LZTFL1: variants seen among roughly 807,000 people sequenced by gnomAD.
LZTFL1 encodes leucine zipper transcription factor like 1.
A neutral mutation model predicts 45.9 loss-of-function variants in LZTFL1; 25 were observed. The ratio of observed to expected loss-of-function variants is 0.54; its 90% confidence interval spans 0.40 to 0.76. The LOEUF is 0.76. LZTFL1 is among the 30% of genes least tolerant of loss of function. The pLI, the probability that LZTFL1 is intolerant of heterozygous loss-of-function variation, is 0.00. For missense variants in LZTFL1, 277 were observed against 331.1 expected (o/e 0.84, Z 1.27); for synonymous variants, 93 against 117.4 (o/e 0.79, Z 1.35).
At chr3:45,826,997 T>G (rs1700685099) in intron 9 of LZTFL1, 1 of 198,732 alleles carries the variant, frequency 5.0e-6, no homozygotes. Flanking sequence ...AGGGGAACAG[T>G]AAGACCAGTT....
chr3:45,906,334 C>A (rs1702678137), intron 2 of LZTFL1, among the ~76,000 whole-genome samples: 1 of 152,180 alleles, frequency 6.6e-6, no homozygotes, highest in African/African-American at 2.4e-5. Context: ...ATTTTGAGCA[C>A]CATTGCTAAC....
intron 2 of LZTFL1, among the ~76,000 whole-genome samples, chr3:45,886,152 ACAT>A (rs1382398715): frequency 6.6e-6 from 1 of 152,194 alleles, no homozygotes; most frequent in African/African-American, 2.4e-5. Flanking sequence ...GGATAGTGCT[ACAT>A]CTGCCACTGG....
rs1399250134 is a variant in LZTFL1, at chr3:45,900,862, T to C, written c.-215+12258A>G. Reference sequence around the variant, plus strand: ...TATGGCTCTGAATCCACATCTTCCATGGAAGACTACGTTAACTTCAACTTC... The same window carrying C: ...TATGGCTCTGAATCCACATCTTCCACGGAAGACTACGTTAACTTCAACTTC... On this transcript the variant is annotated intron_variant, in intron 2 of 4. Transcript: ENST00000472635. The surrounding 1 kb of genome is among the most constrained non-coding windows in gnomAD (Gnocchi z 4.7). The C allele has an allele frequency of 7.4e-6, 12 of 1,614,038 alleles. No individual in the cohort carries two copies. Among genetic ancestry groups the C allele is most frequent in the African/African-American group, 1.3e-5 (1 of 74,928 alleles).
At chr3:45,905,135 A>T (rs1459634388) in intron 2 of LZTFL1, among the ~76,000 whole-genome samples, 1 of 152,148 alleles carries the variant, frequency 6.6e-6, no homozygotes, top group Non-Finnish European at 1.5e-5. Context: ...TCTCCATTCA[A>T]CGAGTAGTCA....
chr3:45,862,651 CT>C (rs1465626416), intron 2 of LZTFL1, among the ~76,000 whole-genome samples: 1 of 152,164 alleles, frequency 6.6e-6, no homozygotes, highest in Non-Finnish European at 1.5e-5. Flanking sequence ...ATCTTACTTG[CT>C]GTAAGTAAGA....
chr3:45,885,247 G>C (rs1701948666), intron 2 of LZTFL1, among the ~76,000 whole-genome samples: 1 of 152,186 alleles, frequency 6.6e-6, no homozygotes, highest in South Asian at 2.1e-4. Context: ...ACATCCACAA[G>C]AGTGTAGTCA....
chr3:45,846,320 A>G (rs916005884), upstream of LZTFL1, among the ~76,000 whole-genome samples: 4 of 152,298 alleles, frequency 2.6e-5, no homozygotes, highest in Admixed American at 2.6e-4. Flanking sequence ...CTACTGTTTG[A>G]GTTCTACTTT....
chr3:45,890,348 A>ATT (rs1184589760), intron 2 of LZTFL1, among the ~76,000 whole-genome samples: 4 of 5,374 alleles, frequency 7.4e-4, no homozygotes, highest in Non-Finnish European at 1.1e-3. Flanking sequence ...ATATATATAT[A>ATT]ACATATATAT....
chr3:45,896,338 C>A, intron 2 of LZTFL1, among the ~76,000 whole-genome samples: 1 of 152,182 alleles, frequency 6.6e-6, no homozygotes, highest in East Asian at 1.9e-4. Context: ...TCAGTAATGA[C>A]CTGCTCTTGT....
intron 2 of LZTFL1, among the ~76,000 whole-genome samples, chr3:45,837,326 T>C (rs1213991463): frequency 1.3e-5 from 2 of 152,216 alleles, no homozygotes; most frequent in African/African-American, 4.8e-5. Context: ...GGTCTAAGGC[T>C]GATGGCCTCT....
chr3:45,860,304 G>A (rs1452264097), intron 2 of LZTFL1, among the ~76,000 whole-genome samples: 3 of 151,958 alleles, frequency 2.0e-5, no homozygotes, highest in East Asian at 1.9e-4. Context: ...AAGAGTGTGT[G>A]CCCATGAGTC....
Position 45,900,388 on chromosome 3 carries a change from T to C in LZTFL1, c.-215+12732A>G, listed in dbSNP as rs1448006651. Among the ~76,000 whole-genome samples the C allele has an allele frequency of 1.3e-5, 2 of 152,130 alleles. No homozygotes were observed. The highest frequency in any genetic ancestry group is 2.9e-5 in the Non-Finnish European group (2 of 68,024). ...AACCTTTTTAGGGTCAGTGAAAAAC[T>C]GAATAGATAGGAGAAGTACGATCAC... On this transcript the variant is annotated intron_variant, in intron 2 of 4. Coordinates refer to the LZTFL1 transcript ENST00000472635. This position sits in a 1 kb window ranked among gnomAD's most constrained non-coding sequence, Gnocchi z 4.7.
intron 2 of LZTFL1, among the ~76,000 whole-genome samples, chr3:45,872,029 C>T (rs77009309): frequency 0.11 from 16,114 of 152,166 alleles, 2,501 homozygotes; most frequent in African/African-American, 0.34. Flanking sequence ...CTGACTGAGA[C>T]GGAGAAGCAG....
intron 2 of LZTFL1, among the ~76,000 whole-genome samples, chr3:45,906,049 A>G (rs748281326): frequency 7.2e-5 from 11 of 152,046 alleles, no homozygotes; most frequent in Non-Finnish European, 1.2e-4. Context: ...TTGCACCCCA[A>G]ACTCCAGCTC....
intron 2 of LZTFL1, among the ~76,000 whole-genome samples, chr3:45,879,917 A>G (rs1191280338): frequency 1.3e-5 from 2 of 152,214 alleles, no homozygotes; most frequent in African/African-American, 4.8e-5. Context: ...GTGAATAATG[A>G]TGGTCATCAC....
At chr3:45,914,645 TC>T (rs1462293461) in intron 1 of LZTFL1, among the ~76,000 whole-genome samples, 1 of 152,164 alleles carries the variant, frequency 6.6e-6, no homozygotes, top group Non-Finnish European at 1.5e-5. Context: ...CTCTGCAACT[TC>T]CTTTTATTTA....
At position 45,903,388 on chromosome 3, in the gene LZTFL1, C is replaced by T. The variant is rs748726709; in HGVS notation, c.-215+9732G>A. On this transcript the variant is annotated intron_variant, in intron 2 of 4. Transcript: ENST00000472635. ...TCATGGCTGACAACTTTTTATTTCT[C>T]CTCTGTCCAAACTTACTCCTCAGGC... 2.6e-5 allele frequency: 4 copies of T among 152,294 alleles called. 1 individual carries two copies. The highest frequency in any genetic ancestry group is 6.5e-5 in the Admixed American group (1 of 15,282). The allele number at this position is 152,294 out of a possible 1,614,324, so 9.4% of individuals were successfully genotyped here.
At chr3:45,845,065 G>T (rs1247556733), upstream of LZTFL1, among the ~76,000 whole-genome samples, 2 of 152,104 alleles carry the variant, frequency 1.3e-5, no homozygotes, top group Admixed American at 6.6e-5. Flanking sequence ...TTGGTTGTGG[G>T]GAATACCTTC....
At chr3:45,854,876 A>G (rs1701365165) in intron 4 of LZTFL1, 1 of 700,616 alleles carries the variant, frequency 1.4e-6, no homozygotes, top group African/African-American at 1.8e-5. Flanking sequence ...TCTTTATGCT[A>G]AGAGCTACTC....
Sources: gnomAD v4.1 joint callset for allele counts (sites outside exome capture counted in the v4.1 genomes callset) on GRCh38, gnomAD v4.1.1 for gene constraint, Gnocchi (gnomAD v3.1) non-coding constraint, MANE v1.5 for transcripts, NCBI Gene and HGNC (gene_info 2026-07-23, HGNC 2026-07-21) for gene names.